The following PCYOX1L variants were observed in gnomAD, a reference collection of about 807,000 sequenced individuals.
The protein encoded by PCYOX1L is prenylcysteine oxidase 1 like.
PCYOX1L carries 40 observed loss-of-function variants against 44.1 expected under a neutral mutation model. The ratio of observed to expected loss-of-function variants is 0.91; its 90% CI spans 0.70 to 1.18. The LOEUF (loss-of-function observed/expected upper bound fraction) is 1.18. Ranked by LOEUF, PCYOX1L falls within the 50% of genes most tolerant of loss-of-function variation. PCYOX1L has a pLI of 0.00. For missense variants in PCYOX1L, 605 were observed against 653.3 expected, an observed-to-expected ratio of 0.93 and a Z score of 0.81; for synonymous variants, 266 against 282.8, an observed-to-expected ratio of 0.94 and a Z score of 0.60.
chr5:149,361,449 A>G (rs1216628830), intron 1 of PCYOX1L, among the ~76,000 whole-genome samples: 3 of 152,224 alleles, frequency 2.0e-5, no homozygotes, highest in African/African-American at 7.2e-5. Context: ...AAACATTCTT[A>G]TCAGTGACTT....
intron 2 of PCYOX1L, chr5:149,363,834 A>C (rs774360009): frequency 1.2e-4 from 71 of 592,664 alleles, no homozygotes; most frequent in Non-Finnish European, 1.8e-4. Context: ...AAAATGTAAA[A>C]TGTTACATTA....
At chr5:149,360,629 C>T (rs1431492484) in intron 1 of PCYOX1L, among the ~76,000 whole-genome samples, 1 of 152,156 alleles carries the variant, frequency 6.6e-6, no homozygotes, top group Non-Finnish European at 1.5e-5. Context: ...GGAGGAACAC[C>T]TGACTCACCT....
At chr5:149,364,263 G>T (rs915108680) in intron 3 of PCYOX1L, 53 bp downstream of exon 3, 14 of 1,603,248 alleles carry the variant, frequency 8.7e-6, no homozygotes, top group South Asian at 1.1e-5. Context: ...GAGAAGAGGT[G>T]GGGGAGGAAC....
chr5:149,361,303 G>C (rs1758003136), intron 1 of PCYOX1L, among the ~76,000 whole-genome samples: 1 of 152,204 alleles, frequency 6.6e-6, no homozygotes, highest in Middle Eastern at 3.4e-3. Context: ...TGGGAGCCTG[G>C]GAGGTTTGCA....
intron 1 of PCYOX1L, among the ~76,000 whole-genome samples, chr5:149,361,516 G>T (rs1477049271): frequency 6.6e-6 from 1 of 152,212 alleles, no homozygotes; most frequent in East Asian, 1.9e-4. Flanking sequence ...AAGGCAGGAG[G>T]TACAGTAAAG....
In PCYOX1L at chr5:149,368,495, G is replaced by A. The variant is rs746886692; in HGVS notation, c.1326G>A (p.Gln442=). The change falls in exon 6 of 6, where the codon CAG becomes CAA. Residue 442 remains glutamine, a synonymous_variant. Coordinates refer to ENST00000274569, the MANE Select transcript of PCYOX1L (RefSeq NM_024028.4). ...TCCCGAGGTTTGCACTCCATGACCAGCTCTTCTACCTCAATGCCCTGGAGT... is the reference window on the plus strand; with the variant it reads ...TCCCGAGGTTTGCACTCCATGACCAACTCTTCTACCTCAATGCCCTGGAGT... ...PTLPRFALHD[Q]LFYLNALEWA... is the part of the protein sequence containing the mutation. The A allele has an allele frequency of 8.7e-5, 141 of 1,612,410 alleles. No individual in the cohort carries two copies. Among genetic ancestry groups the A allele is most frequent in the Non-Finnish European group, 1.2e-4 (136 of 1,179,138 alleles).
In PCYOX1L at chr5:149,362,358, G is replaced by A. The variant is rs1054156642; in HGVS notation, c.89-279G>A. On this transcript the variant is annotated intron_variant, in intron 1 of 5. Coordinates refer to ENST00000274569, the MANE Select transcript of PCYOX1L (RefSeq NM_024028.4). The stretch of plus-strand genomic sequence containing the variant: ...AAACTAAATTTATTCTCTTTAATTG[G>A]TCATCCTGACTTTCAGTATTCTTTG... 12 of 461,794 alleles carry A rather than the reference G, an allele frequency of 2.6e-5. No individual in the cohort carries two copies. In the South Asian group the frequency reaches 2.7e-4, roughly 11 times the overall value. The allele number at this position is 461,794 out of a possible 1,614,324, so 28.6% of individuals were successfully genotyped here.
chr5:149,368,197 C>T lies in PCYOX1L; in HGVS notation c.1028C>T (p.Ser343Leu), dbSNP rs754699080. The T allele has an allele frequency of 1.9e-6, 3 of 1,614,056 alleles. No homozygotes were observed. Among genetic ancestry groups the T allele is most frequent in the Non-Finnish European group, 2.5e-6 (3 of 1,179,988 alleles). ...TCCTTGGTCCACGGCTACCTCAACT[C>T]GTCCTACTTCGGTTTCCCAGACCCT... Reference protein sequence around the residue: ...VVSLVHGYLNSSYFGFPDPKL... With the variant: ...VVSLVHGYLNLSYFGFPDPKL... Residue 343 changes from serine (S) to leucine (L), a missense_variant, in exon 6 of 6, where the codon TCG becomes TTG. Transcript: ENST00000274569.
rs139752655 is a variant in PCYOX1L, at chr5:149,368,477, G to T, written c.1308G>T (p.Arg436Ser). 37 of 1,613,116 alleles carry T rather than the reference G, an allele frequency of 2.3e-5. No individual in the cohort carries two copies. In the African/African-American group the frequency reaches 3.1e-4, roughly 13 times the overall value. Reference protein sequence around the residue: ...PLYGSRPTLPRFALHDQLFYL... With the variant: ...PLYGSRPTLPSFALHDQLFYL... ...ATGGCTCCCGCCCCACGCTCCCGAG[G>T]TTTGCACTCCATGACCAGCTCTTCT... The change falls in exon 6 of 6, where the codon AGG (arginine) becomes AGT (serine). Residue 436 changes from arginine (R) to serine (S), a missense_variant. Coordinates refer to ENST00000274569, the MANE Select transcript of PCYOX1L (RefSeq NM_024028.4).
chr5:149,364,145 G>A lies in PCYOX1L; in HGVS notation c.405G>A (p.Trp135Ter). ...TGCTGAACCTCTTCCGCCTCTGGTG[G>A]CACTATGGCATCAGCTTCCTGAGGC... Reference protein sequence around the residue: ...WYLLNLFRLWWHYGISFLRLQ... With the variant: ...WYLLNLFRLW The change falls in exon 3 of 6, where the codon TGG (tryptophan) becomes TGA (stop). Residue 135 changes from tryptophan (W) to a stop codon, truncating the protein, a stop_gained. Transcript: ENST00000274569. LOFTEE classifies it high-confidence loss of function. 1 of 1,614,202 alleles carries A rather than the reference G, an allele frequency of 6.2e-7. No individual in the cohort carries two copies. Among genetic ancestry groups the A allele is most frequent in the Non-Finnish European group, 8.5e-7 (1 of 1,180,032 alleles).
At chr5:149,361,341 C>T (rs888596153) in intron 1 of PCYOX1L, among the ~76,000 whole-genome samples, 3 of 152,146 alleles carry the variant, frequency 2.0e-5, no homozygotes, top group Non-Finnish European at 2.9e-5. Context: ...CACTGCACTC[C>T]AGCCTGGGCA....
At position 149,368,385 on chromosome 5, in the gene PCYOX1L, C is replaced by T. The variant is rs1406297204; in HGVS notation, c.1216C>T (p.Gln406Ter). ...GTCCCCCAAGCCCCTCTTTCGGACC[C>T]AGCTAAAGACCCTGTTCCGTTCCTA... Reference protein sequence around the residue: ...VQSPKPLFRTQLKTLFRSYYS... With the variant: ...VQSPKPLFRT Residue 406 changes from glutamine to a stop codon, truncating the protein, a stop_gained, in exon 6 of 6, where the codon CAG (glutamine) becomes TAG (stop). Transcript: ENST00000274569. LOFTEE classifies it high-confidence loss of function. 1 of 1,614,206 alleles carries T rather than the reference C, an allele frequency of 6.2e-7. No homozygotes were observed. Among genetic ancestry groups the T allele is most frequent in the Non-Finnish European group, 8.5e-7 (1 of 1,180,040 alleles).
chr5:149,363,447 T>C (rs1385033749), intron 2 of PCYOX1L: 10 of 237,866 alleles, frequency 4.2e-5, no homozygotes. Flanking sequence ...GTATCCTAGC[T>C]GCCTATCCAC....
In PCYOX1L at chr5:149,368,178, G is replaced by A; in HGVS notation, c.1009G>A (p.Val337Ile). ...TTTCCAGCCCACCGTCGTCTCCTTG[G>A]TCCACGGCTACCTCAACTCGTCCTA... ...GSFQPTVVSL[V>I]HGYLNSSYFG... The change falls in exon 6 of 6, where the codon GTC becomes ATC. Residue 337 changes from valine to isoleucine, a missense_variant. Coordinates refer to ENST00000274569, the MANE Select transcript of PCYOX1L (RefSeq NM_024028.4). 6.2e-7 allele frequency: 1 copy of A among 1,613,924 alleles called. No individual in the cohort carries two copies. Among genetic ancestry groups the A allele is most frequent in the Non-Finnish European group, 8.5e-7 (1 of 1,179,948 alleles).
intron 1 of PCYOX1L, 62 bp from the exon 2 acceptor site, chr5:149,362,575 C>A: frequency 6.4e-7 from 1 of 1,559,862 alleles, no homozygotes; most frequent in South Asian, 1.1e-5. Flanking sequence ...AAAGTGTGAA[C>A]TACAGCCTCT....
At chr5:149,360,317 T>C (rs1561699547) in intron 1 of PCYOX1L, among the ~76,000 whole-genome samples, 2 of 152,344 alleles carry the variant, frequency 1.3e-5, no homozygotes, top group South Asian at 2.1e-4. Context: ...TGTCTTCTGC[T>C]TCCTGATCTT....
At chr5:149,363,286 A>C (rs1024077997) in intron 2 of PCYOX1L, 1 of 354,322 alleles carries the variant, frequency 2.8e-6, no homozygotes, top group African/African-American at 2.1e-5. Flanking sequence ...GTGGGATTCA[A>C]ACCCAGCAGC....
chr5:149,368,458 C>G lies in PCYOX1L; in HGVS notation c.1289C>G (p.Ser430Cys). The part of the protein sequence containing the change: ...AEWQAHPLYG[S>C]RPTLPRFALH... Reference sequence around the variant, plus strand: ...TGGCAGGCCCATCCCCTCTATGGCTCCCGCCCCACGCTCCCGAGGTTTGCA... The same window carrying G: ...TGGCAGGCCCATCCCCTCTATGGCTGCCGCCCCACGCTCCCGAGGTTTGCA... Residue 430 changes from serine to cysteine, a missense_variant, in exon 6 of 6, where the codon TCC (serine) becomes TGC (cysteine). Physicochemically the swap from Ser to Cys is moderately radical, Grantham distance 112. Transcript: ENST00000274569. 6.2e-7 allele frequency: 1 copy of G among 1,613,786 alleles called. No individual in the cohort carries two copies. The highest frequency in any genetic ancestry group is 1.1e-5 in the South Asian group (1 of 91,052).
chr5:149,362,566 A>T (rs1758037054), intron 1 of PCYOX1L, 71 bp from the exon 2 acceptor site: 1 of 1,517,140 alleles, frequency 6.6e-7, no homozygotes, highest in African/African-American at 1.4e-5. Context: ...GGAGGATACA[A>T]AGTGTGAACT....
Sources: allele counts gnomAD v4.1 joint callset (sites outside exome capture counted in the v4.1 genomes callset), GRCh38; gene constraint gnomAD v4.1.1; transcripts MANE v1.5; gene names NCBI Gene and HGNC (gene_info 2026-07-23, HGNC 2026-07-21).